The following POLR2J variants were observed in gnomAD, a reference collection of about 807,000 sequenced individuals.
POLR2J encodes the protein DNA-directed RNA polymerase II subunit RPB11-a.
In POLR2J, 12 loss-of-function variants were observed where a neutral mutation model predicts 13.4. The observed-to-expected ratio is 0.90, with a 90% CI of 0.57 to 1.45. POLR2J has a LOEUF of 1.45. Ranked by LOEUF, POLR2J falls within the 40% of genes most tolerant of loss-of-function variation. The pLI is 0.00. For missense variants in POLR2J, 58 were observed against 132.0 expected, an observed-to-expected ratio of 0.44 and a Z score of 2.75; for synonymous variants, 31 against 53.6, an observed-to-expected ratio of 0.58 and a Z score of 1.84.
Position 102,473,569 on chromosome 7 carries a change from C to CCTCGGTGTGGTA in POLR2J, c.*68_*79dup. 1 of 1,425,154 alleles carries CCTCGGTGTGGTA rather than the reference C, an allele frequency of 7.0e-7. No individual in the cohort carries two copies. The highest frequency in any genetic ancestry group is 9.1e-7 in the Non-Finnish European group (1 of 1,098,270). 88.3% of individuals were successfully genotyped at this position (1,425,154 alleles called of 1,614,324 possible). The stretch of plus-strand genomic sequence containing the variant: ...GGCCATGGCTGGGACCGGCCGCTCT[C>CCTCGGTGTGGTA]CTCGGTGTGGTACCTGGAGCGGAGG... On this transcript the variant is annotated 3_prime_UTR_variant, in exon 4 of 4. Transcript: ENST00000292614.
At position 102,473,418 on chromosome 7, in the gene POLR2J, T is replaced by G; in HGVS notation, c.*231A>C. On this transcript the variant is annotated 3_prime_UTR_variant, in exon 4 of 4. Transcript: ENST00000292614. ...GCCTGCATCAAGCCTGACAATCCATTTGCTTGCGAAGTCACCGCTGCTCAA... is the reference window on the plus strand; with the variant it reads ...GCCTGCATCAAGCCTGACAATCCATGTGCTTGCGAAGTCACCGCTGCTCAA... The G allele has an allele frequency of 1.7e-6, 1 of 589,220 alleles. No individual in the cohort carries two copies. Among genetic ancestry groups the G allele is most frequent in the Non-Finnish European group, 2.7e-6 (1 of 364,042 alleles). The allele number at this position is 589,220 out of a possible 1,614,324, so 36.5% of individuals were successfully genotyped here. A position where few individuals can be genotyped will look rare whatever the true frequency, so the allele number is the denominator to read the frequency against.
Position 102,473,639 on chromosome 7 carries a change from C to CTT in POLR2J, c.*9_*10insAA. 1 of 1,599,054 alleles carries CTT rather than the reference C, an allele frequency of 6.3e-7. No homozygotes were observed. The highest frequency in any genetic ancestry group is 2.3e-5 in the East Asian group (1 of 42,790). On this transcript the variant is annotated 3_prime_UTR_variant, in exon 4 of 4. Coordinates refer to ENST00000292614, the MANE Select transcript of POLR2J (RefSeq NM_006234.6). ...GGGGCTCACAGGCCGAGCAGAGCCC[C>CTT]CTCTGGCCCCTACTCAATTCCTTCC...
chr7:102,473,307 G>T lies in POLR2J; in HGVS notation c.*342C>A. Reference sequence around the variant, plus strand: ...GCACACTTCTCTCCGGCTCAGCACAGCCCCCGCAGCAGCCCCTGGACCCCG... The same window carrying T: ...GCACACTTCTCTCCGGCTCAGCACATCCCCCGCAGCAGCCCCTGGACCCCG... On this transcript the variant is annotated 3_prime_UTR_variant, in exon 4 of 4. Transcript: ENST00000292614. The T allele has an allele frequency of 1.8e-6, 1 of 570,456 alleles. No homozygotes were observed. Among genetic ancestry groups the T allele is most frequent in the Non-Finnish European group, 3.0e-6 (1 of 331,176 alleles). 35.3% of individuals were successfully genotyped at this position (570,456 alleles called of 1,614,324 possible).
chr7:102,475,351 G>A (rs1195917238), intron 2 of POLR2J, among the ~76,000 whole-genome samples: 1 of 152,240 alleles, frequency 6.6e-6, no homozygotes. Flanking sequence ...CCAACCACCT[G>A]GCTAGGACCT....
chr7:102,475,557 C>A (rs1485927583), intron 2 of POLR2J, among the ~76,000 whole-genome samples: 3 of 152,192 alleles, frequency 2.0e-5, no homozygotes, highest in African/African-American at 7.2e-5. Flanking sequence ...TTTCAATGCC[C>A]CTCAGCATGA....
At chr7:102,478,735 G>A (rs1586753392) in intron 1 of POLR2J, 73 bp downstream of exon 1, 1 of 1,596,724 alleles carries the variant, frequency 6.3e-7, no homozygotes, top group East Asian at 2.2e-5. Context: ...GGCAAGAGAT[G>A]GGCAGGAGAC....
At position 102,473,398 on chromosome 7, in the gene POLR2J, C is replaced by T. The variant is rs532097506; in HGVS notation, c.*251G>A. 10 of 570,546 alleles carry T rather than the reference C, an allele frequency of 1.8e-5. No individual in the cohort carries two copies. In the East Asian group the frequency reaches 2.9e-4, roughly 17 times the overall value. 35.3% of individuals were successfully genotyped at this position (570,546 alleles called of 1,614,324 possible). On this transcript the variant is annotated 3_prime_UTR_variant, in exon 4 of 4. Coordinates refer to ENST00000292614, the MANE Select transcript of POLR2J (RefSeq NM_006234.6). ...GCCCCTGAAACAGGTCATCTGCCTG[C>T]ATCAAGCCTGACAATCCATTTGCTT...
intron 2 of POLR2J, among the ~76,000 whole-genome samples, chr7:102,475,060 C>T (rs866214774): frequency 5.1e-4 from 77 of 151,968 alleles, no homozygotes; most frequent in African/African-American, 1.7e-3. Flanking sequence ...TCCTCTAGAG[C>T]GGCTCAGAGT....
In POLR2J at chr7:102,473,609, G is replaced by T; in HGVS notation, c.*40C>A. On this transcript the variant is annotated 3_prime_UTR_variant, in exon 4 of 4. Transcript: ENST00000292614. ...TGGAGCGGAGGGTCAGGCACAGGTA[G>T]GAACGGGGCTCACAGGCCGAGCAGA... The T allele has an allele frequency of 1.2e-6, 2 of 1,612,334 alleles. No individual in the cohort carries two copies. The highest frequency in any genetic ancestry group is 3.3e-5 in the Admixed American group (2 of 59,874).
rs1798510206 is a variant in POLR2J, at chr7:102,478,913, G to A, written c.-53C>T. The A allele has an allele frequency of 1.2e-6, 2 of 1,608,948 alleles. No individual in the cohort carries two copies. The highest frequency in any genetic ancestry group is 2.2e-5 in the South Asian group (2 of 90,910). On this transcript the variant is annotated 5_prime_UTR_variant, in exon 1 of 4. Transcript: ENST00000292614. The stretch of plus-strand genomic sequence containing the variant: ...CAAGGGTCCGCCGCCGCCGCCACCA[G>A]AGCCCTAATAAGAGGCCTCTTCCGG...
chr7:102,474,553 C>T lies in POLR2J; in HGVS notation c.144-18G>A. 8.3e-7 allele frequency: 1 copy of T among 1,207,194 alleles called. No homozygotes were observed. The highest frequency in any genetic ancestry group is 1.2e-6 in the Non-Finnish European group (1 of 831,308). The allele number at this position is 1,207,194 out of a possible 1,614,324, so 74.8% of individuals were successfully genotyped here. On this transcript the variant is annotated intron_variant, in intron 2 of 3. Transcript: ENST00000292614. ...GGAGTTGTCTGAGGTCAGGGACAGA[C>T]AGTGTGAGGGTCTAGCCTCATGCCC...
rs2133278890 is a variant in POLR2J at position 102,473,396 on chromosome 7, TG to T, written c.*252del. 1 of 569,208 alleles carries T rather than the reference TG, an allele frequency of 1.8e-6. No homozygotes were observed. Among genetic ancestry groups the T allele is most frequent in the South Asian group, 2.5e-5 (1 of 40,386 alleles). 35.3% of individuals were successfully genotyped at this position (569,208 alleles called of 1,614,324 possible). A position where few individuals can be genotyped will look rare whatever the true frequency, so the allele number is the denominator to read the frequency against. On this transcript the variant is annotated 3_prime_UTR_variant, in exon 4 of 4. Transcript: ENST00000292614. ...ACGCCCCTGAAACAGGTCATCTGCC[TG>T]CATCAAGCCTGACAATCCATTTGCT...
In POLR2J at chr7:102,473,367, C is replaced by T. The variant is rs923463549; in HGVS notation, c.*282G>A. 1.7e-5 allele frequency: 10 copies of T among 572,704 alleles called. No individual in the cohort carries two copies. The highest frequency in any genetic ancestry group is 1.3e-4 in the Admixed American group (4 of 30,278). The allele number at this position is 572,704 out of a possible 1,614,324, so 35.5% of individuals were successfully genotyped here. ...TCCAGAATGAATTCATCCCTGCCAG[C>T]CGGACGCCCCTGAAACAGGTCATCT... On this transcript the variant is annotated 3_prime_UTR_variant, in exon 4 of 4. Transcript: ENST00000292614.
chr7:102,476,520 G>C (rs1798437496), intron 1 of POLR2J, among the ~76,000 whole-genome samples: 1 of 149,360 alleles, frequency 6.7e-6, no homozygotes, highest in Admixed American at 6.6e-5. Context: ...CATGCCTGTA[G>C]TCCTAGCTAC....
chr7:102,474,635 CCCCAACTTTTTTCCCAAAAAGTCTT>C (rs1798366293), intron 2 of POLR2J, 100 bp from the exon 3 acceptor site: 2 of 1,340,890 alleles, frequency 1.5e-6, no homozygotes, highest in Non-Finnish European at 2.0e-6. Context: ...CAAAAATCCC[CCCCAACTTTTTTCCCAAAAAGTCTT>C]CAAGGAAAGT....
At position 102,473,139 on chromosome 7, in the gene POLR2J, A is replaced by G. The variant is rs1798275956; in HGVS notation, c.*510T>C. On this transcript the variant is annotated 3_prime_UTR_variant, in exon 4 of 4. Transcript: ENST00000292614. ...GGTGGGGGGGGGTCTTTCAGTGAAT[A>G]TTTTTATTAAACTCTACTGTGGACA... is the stretch of plus-strand genomic sequence containing the variant. 1.3e-5 allele frequency: 18 copies of G among 1,391,100 alleles called. No individual in the cohort carries two copies. Among genetic ancestry groups the G allele is most frequent in the Non-Finnish European group, 1.8e-5 (18 of 1,023,712 alleles). The allele number at this position is 1,391,100 out of a possible 1,614,324, so 86.2% of individuals were successfully genotyped here.
At chr7:102,473,918 C>CA in intron 3 of POLR2J, 2 of 1,435,242 alleles carry the variant, frequency 1.4e-6, no homozygotes, top group Non-Finnish European at 1.8e-6. Flanking sequence ...GCAGACGACT[C>CA]AGACGTTGAA....
rs765244486 is a variant in POLR2J, at chr7:102,478,896, C to T, written c.-36G>A. 8 of 1,460,014 alleles carry T rather than the reference C, an allele frequency of 5.5e-6. No homozygotes were observed. The highest frequency in any genetic ancestry group is 7.6e-6 in the Non-Finnish European group (8 of 1,054,214). 90.4% of individuals were successfully genotyped at this position (1,460,014 alleles called of 1,614,324 possible). ...CCGTTGCGTCCAGACCCCAAGGGTC[C>T]GCCGCCGCCGCCACCAGAGCCCTAA... On this transcript the variant is annotated 5_prime_UTR_variant, in exon 1 of 4. Transcript: ENST00000292614.
rs1798312305 is a variant in POLR2J at position 102,473,663 on chromosome 7, C to A, written c.340G>T (p.Glu114Ter). ...RFRVAIKDKQ[E>*]GIE is the part of the protein sequence containing the mutation. ...CCCTCTGGCCCCTACTCAATTCCTT[C>A]CTGCTTGTCTTTTATGGCCACCTGG... Residue 114 changes from glutamate (E) to a stop codon, truncating the protein, a stop_gained, in exon 4 of 4, where the codon GAA (glutamate) becomes TAA (stop). Coordinates refer to ENST00000292614, the MANE Select transcript of POLR2J (RefSeq NM_006234.6). LOFTEE classifies it high-confidence loss of function. 6.2e-7 allele frequency: 1 copy of A among 1,613,794 alleles called. No homozygotes were observed. Among genetic ancestry groups the A allele is most frequent in the Non-Finnish European group, 8.5e-7 (1 of 1,179,944 alleles).
Sources: gnomAD v4.1 joint callset for allele counts (sites outside exome capture counted in the v4.1 genomes callset) on GRCh38, gnomAD v4.1.1 for gene constraint, MANE v1.5 for transcripts, NCBI Gene and HGNC (gene_info 2026-07-23, HGNC 2026-07-21) for gene names.